Variants in SUSD4 observed in about 807,000 individuals in gnomAD.
The protein encoded by SUSD4 is sushi domain-containing protein 4.
A neutral mutation model predicts 50.5 loss-of-function variants in SUSD4; 41 were observed. That is an observed-to-expected ratio of 0.81 (90% CI 0.63 to 1.05). The LOEUF is 1.05. Among genes scored for constraint, SUSD4 ranks in the 50% least tolerant of loss-of-function variants. The pLI is 0.00. For synonymous variants in SUSD4, 257 were observed against 257.3 expected (o/e 1.00, Z 0.01); for missense variants, 580 against 634.7 (o/e 0.91, Z 0.93).
intron 2 of SUSD4, among the ~76,000 whole-genome samples, chr1:223,334,972 T>A (rs532738051): frequency 6.6e-6 from 1 of 152,294 alleles, no homozygotes; most frequent in African/African-American, 2.4e-5. Flanking sequence ...ACATACAATA[T>A]TTGGTTTTCC....
chr1:223,309,874 T>TG (rs1665768581), intron 2 of SUSD4, among the ~76,000 whole-genome samples: 1 of 152,220 alleles, frequency 6.6e-6, no homozygotes, highest in African/African-American at 2.4e-5. Flanking sequence ...TGGTTTCTCC[T>TG]GTGTGACCTC....
At chr1:223,282,397 G>A (rs1663807335) in intron 3 of SUSD4, among the ~76,000 whole-genome samples, 1 of 152,084 alleles carries the variant, frequency 6.6e-6, no homozygotes, top group African/African-American at 2.4e-5. Context: ...AAAGTCTCAG[G>A]ATACAAAATC....
chr1:223,365,200 CCT>C (rs1052241009), upstream of SUSD4, among the ~76,000 whole-genome samples: 13 of 152,086 alleles, frequency 8.5e-5, no homozygotes, highest in Admixed American at 5.9e-4. Context: ...TGGTCGGTCC[CCT>C]GTCTCTGCGC....
chr1:223,250,482 G>C (rs1661227525), intron 5 of SUSD4, among the ~76,000 whole-genome samples: 1 of 152,198 alleles, frequency 6.6e-6, no homozygotes, highest in South Asian at 2.1e-4. Flanking sequence ...GAAAGATGAA[G>C]TTATTTGCCC....
intron 2 of SUSD4, among the ~76,000 whole-genome samples, chr1:223,345,040 T>G (rs1337768141): frequency 6.6e-6 from 1 of 152,248 alleles, no homozygotes; most frequent in Non-Finnish European, 1.5e-5. Flanking sequence ...TATAAGTAAT[T>G]TGTTATTAAG....
At chr1:223,327,686 G>A (rs1666953967) in intron 2 of SUSD4, among the ~76,000 whole-genome samples, 1 of 152,126 alleles carries the variant, frequency 6.6e-6, no homozygotes, top group African/African-American at 2.4e-5. Flanking sequence ...CAAGCATTTA[G>A]AAAAAGGCAG....
At chr1:223,335,800 A>G (rs1375903256) in intron 2 of SUSD4, among the ~76,000 whole-genome samples, 1 of 152,228 alleles carries the variant, frequency 6.6e-6, no homozygotes, top group East Asian at 1.9e-4. Flanking sequence ...CCCAACTGAG[A>G]CGGTGATCAG....
intron 5 of SUSD4, among the ~76,000 whole-genome samples, chr1:223,238,259 A>T (rs189901153): frequency 1.0e-3 from 156 of 152,010 alleles, no homozygotes; most frequent in African/African-American, 3.6e-3. Flanking sequence ...GCCTGGTTAG[A>T]GGTTTATTGA....
chr1:223,262,719 T>C (rs1000513469), intron 5 of SUSD4, among the ~76,000 whole-genome samples: 16 of 152,174 alleles, frequency 1.1e-4, no homozygotes, highest in South Asian at 6.2e-4. Context: ...CAGTGTTGCA[T>C]TGAAAGTGCT....
At chr1:223,260,764 T>C (rs916924609) in intron 5 of SUSD4, among the ~76,000 whole-genome samples, 1 of 152,226 alleles carries the variant, frequency 6.6e-6, no homozygotes. Flanking sequence ...AGTGCAATAG[T>C]GCAGGCCTTA....
chr1:223,247,280 A>G (rs1038555346), intron 5 of SUSD4, among the ~76,000 whole-genome samples: 4 of 152,162 alleles, frequency 2.6e-5, no homozygotes, highest in African/African-American at 7.2e-5. Context: ...GAATATGAAG[A>G]GAAATGATAA....
intron 2 of SUSD4, among the ~76,000 whole-genome samples, chr1:223,337,795 A>T (rs1667541519): frequency 6.6e-6 from 1 of 152,182 alleles, no homozygotes; most frequent in South Asian, 2.1e-4. Context: ...TTTTTAGTAT[A>T]AACAGAGGCA....
intron 5 of SUSD4, among the ~76,000 whole-genome samples, chr1:223,233,087 G>A (rs1438660338): frequency 6.6e-6 from 1 of 152,196 alleles, no homozygotes; most frequent in African/African-American, 2.4e-5. Context: ...CACCAGGGAA[G>A]CCCCAAACAT....
At chr1:223,338,887 A>G (rs1667599783) in intron 2 of SUSD4, among the ~76,000 whole-genome samples, 3 of 152,328 alleles carry the variant, frequency 2.0e-5, no homozygotes, top group South Asian at 4.2e-4. Context: ...ACTTGCATCT[A>G]TGTCCTCATC....
intron 2 of SUSD4, among the ~76,000 whole-genome samples, chr1:223,361,602 AACACG>A (rs1197675189): frequency 6.6e-6 from 1 of 152,150 alleles, no homozygotes; most frequent in Non-Finnish European, 1.5e-5. Context: ...ATGCTCTGTA[AACACG>A]ACCAAGCAGA....
At chr1:223,355,810 T>C (rs1271653115) in intron 2 of SUSD4, among the ~76,000 whole-genome samples, 1 of 152,172 alleles carries the variant, frequency 6.6e-6, no homozygotes, top group Non-Finnish European at 1.5e-5. Context: ...GAAAACTCAA[T>C]GGATTGGGAT....
intron 5 of SUSD4, among the ~76,000 whole-genome samples, chr1:223,240,837 A>G (rs1660530668): frequency 6.6e-6 from 1 of 152,108 alleles, no homozygotes; most frequent in African/African-American, 2.4e-5. Context: ...TTGCCTTTTA[A>G]TATCTCTTGT....
intron 5 of SUSD4, among the ~76,000 whole-genome samples, chr1:223,255,975 C>G (rs1661661706): frequency 6.6e-6 from 1 of 152,136 alleles, no homozygotes; most frequent in Non-Finnish European, 1.5e-5. Flanking sequence ...CACAGAGGTG[C>G]ACAAGACTTG....
chr1:223,363,629 C>T, intron 1 of SUSD4, 169 bp from the exon 2 acceptor site: 1 of 761,296 alleles, frequency 1.3e-6, no homozygotes, highest in Admixed American at 3.1e-5. Context: ...CCGCCTTCCC[C>T]CGAGCCGGGT....
Sources: allele counts gnomAD v4.1 joint callset (sites outside exome capture counted in the v4.1 genomes callset), GRCh38; gene constraint gnomAD v4.1.1; transcripts MANE v1.5; gene names NCBI Gene and HGNC (gene_info 2026-07-23, HGNC 2026-07-21).